The following PCDHGA1 variants were observed in gnomAD, a reference collection of about 807,000 sequenced individuals.
PCDHGA1 encodes protocadherin gamma-A1.
PCDHGA1 carries 32 observed loss-of-function variants against 58.0 expected under a neutral mutation model. The observed-to-expected ratio is 0.55, with a 90% CI of 0.42 to 0.74. The LOEUF is 0.74. Ranked by LOEUF, PCDHGA1 falls within the 30% of genes least tolerant of loss-of-function variation. PCDHGA1 has a pLI of 0.00. For missense variants in PCDHGA1, 1,205 were observed against 1,182.3 expected (o/e 1.02, Z -0.28); for synonymous variants, 498 against 501.1 (o/e 0.99, Z 0.08).
At position 141,485,614 on chromosome 5, in the gene PCDHGA1, T is replaced by G; in HGVS notation, c.2422-9193T>G. 1 of 1,612,236 alleles carries G rather than the reference T, an allele frequency of 6.2e-7. No individual in the cohort carries two copies. Among genetic ancestry groups the G allele is most frequent in the Non-Finnish European group, 8.5e-7 (1 of 1,178,686 alleles). On this transcript the variant is annotated intron_variant, in intron 1 of 3. Transcript: ENST00000517417. The surrounding 1 kb of genome is among the most constrained non-coding windows in gnomAD (Gnocchi z 5.7). ...ACTTGGAAATTGGGGAGGCAGCTCC[T>G]CCAGGACAGCGTTTCCCGTTGGAAA...
intron 1 of PCDHGA1, chr5:141,384,675 G>A: frequency 6.2e-7 from 1 of 1,614,216 alleles, no homozygotes; most frequent in Non-Finnish European, 8.5e-7. Flanking sequence ...CCAAGGTGGT[G>A]GCGGTGGACA....
At chr5:141,504,990 C>T (rs1056476591) in intron 2 of PCDHGA1, among the ~76,000 whole-genome samples, 3 of 151,976 alleles carry the variant, frequency 2.0e-5, no homozygotes, top group Non-Finnish European at 2.9e-5. Context: ...GGTGAAACCC[C>T]GTCTGTACTA....
chr5:141,352,439 C>T, intron 1 of PCDHGA1: 1 of 1,614,072 alleles, frequency 6.2e-7, no homozygotes, highest in Non-Finnish European at 8.5e-7. Context: ...TCAAACCGGT[C>T]TCTGCTCCAA....
intron 1 of PCDHGA1, chr5:141,398,152 G>T: frequency 5.3e-6 from 8 of 1,498,488 alleles, no homozygotes; most frequent in Non-Finnish European, 7.1e-6. Context: ...CGGGGAGCTG[G>T]GCCGGGCTGA....
In PCDHGA1 at chr5:141,345,638, C is replaced by T. The variant is rs370039699; in HGVS notation, c.2421+12533C>T. 178 of 1,614,198 alleles carry T rather than the reference C, an allele frequency of 1.1e-4. No individual in the cohort carries two copies. The African/African-American group carries it at 1.8e-3, about 16-fold the overall frequency. The stretch of plus-strand genomic sequence containing the variant: ...ACTTAAAGCTACTGGTGACAGCCAG[C>T]GACAGCGGGAACCCTCCACTCAGCA... On this transcript the variant is annotated intron_variant, in intron 1 of 3. Transcript: ENST00000517417.
chr5:141,375,241 C>G (rs774856817), intron 1 of PCDHGA1: 20 of 1,613,942 alleles, frequency 1.2e-5, no homozygotes, highest in Non-Finnish European at 1.7e-5. Context: ...CCTGTTCCAT[C>G]CCGAGAAGTC....
rs757876687 is a variant in PCDHGA1 at position 141,413,273 on chromosome 5, G to A, written c.2421+80168G>A. On this transcript the variant is annotated intron_variant, in intron 1 of 3. Coordinates refer to ENST00000517417, the MANE Select transcript of PCDHGA1 (RefSeq NM_018912.3). The stretch of plus-strand genomic sequence containing the variant: ...GGGATTCCATGGGAGGCTGGAGCCC[G>A]GCAGATCTCCTACTCAATTCCTGAG... 4.3e-6 allele frequency: 7 copies of A among 1,613,920 alleles called. No homozygotes were observed. The highest frequency in any genetic ancestry group is 5.9e-6 in the Non-Finnish European group (7 of 1,179,902).
intron 1 of PCDHGA1, among the ~76,000 whole-genome samples, chr5:141,373,763 G>A (rs951115131): frequency 6.6e-6 from 1 of 152,192 alleles, no homozygotes; most frequent in African/African-American, 2.4e-5. Context: ...AATATTATGA[G>A]TGTCATCTCT....
chr5:141,399,252 TG>T, intron 1 of PCDHGA1: 1 of 1,613,778 alleles, frequency 6.2e-7, no homozygotes, highest in Non-Finnish European at 8.5e-7. Context: ...CTGGGGAAAA[TG>T]GGGAGGTTAA....
chr5:141,449,943 C>G (rs1561937416), intron 1 of PCDHGA1, among the ~76,000 whole-genome samples: 1 of 151,186 alleles, frequency 6.6e-6, no homozygotes, highest in African/African-American at 2.4e-5. Flanking sequence ...GTATATTTTA[C>G]TATACCTCAT....
Position 141,409,092 on chromosome 5 carries a change from A to C in PCDHGA1, c.2421+75987A>C, listed in dbSNP as rs150634031. On this transcript the variant is annotated intron_variant, in intron 1 of 3. Coordinates refer to ENST00000517417, the MANE Select transcript of PCDHGA1 (RefSeq NM_018912.3). ...AAACATATGTTCTCATTGGATGAGA[A>C]AACAGGTATGATTAAGAATAACCAG... 12 of 1,614,050 alleles carry C rather than the reference A, an allele frequency of 7.4e-6. No homozygotes were observed. The East Asian group carries it at 2.7e-4, about 36-fold the overall frequency.
At position 141,499,673 on chromosome 5, in the gene PCDHGA1, C is replaced by A. The variant is rs1193484216; in HGVS notation, c.2480+4808C>A. Among the ~76,000 whole-genome samples the A allele has an allele frequency of 2.7e-5, 4 of 150,550 alleles. No individual in the cohort carries two copies. In the East Asian group the frequency reaches 7.8e-4, roughly 29 times the overall value. On this transcript the variant is annotated intron_variant, in intron 2 of 3. Transcript: ENST00000517417. ...CATATAATTTCATCTTGGTCTCCACCATCTTTAACAGATGACTTTTTTTTT... is the reference window on the plus strand; with the variant it reads ...CATATAATTTCATCTTGGTCTCCACAATCTTTAACAGATGACTTTTTTTTT...
chr5:141,400,068 G>A (rs2093954953), intron 1 of PCDHGA1: 1 of 1,613,706 alleles, frequency 6.2e-7, no homozygotes, highest in African/African-American at 1.3e-5. Flanking sequence ...ATGGTGGACA[G>A]CCGCCACTCT....
Position 141,351,103 on chromosome 5 carries a change from C to G in PCDHGA1, c.2421+17998C>G, listed in dbSNP as rs547716264. The stretch of plus-strand genomic sequence containing the variant: ...AGATCACCTATGCCTTCCTCAATTC[C>G]CCAATAAGTACCAGCCTCTTCAATC... On this transcript the variant is annotated intron_variant, in intron 1 of 3. Coordinates refer to ENST00000517417, the MANE Select transcript of PCDHGA1 (RefSeq NM_018912.3). The G allele has an allele frequency of 1.2e-5, 19 of 1,614,056 alleles. No homozygotes were observed. In the South Asian group the frequency reaches 2.0e-4, roughly 17 times the overall value.
At chr5:141,335,442 G>A (rs539461513) in intron 1 of PCDHGA1, among the ~76,000 whole-genome samples, 6 of 152,228 alleles carry the variant, frequency 3.9e-5, no homozygotes, top group Admixed American at 3.9e-4. Context: ...AAAATGAACT[G>A]ATTATAGTTG....
At position 141,356,066 on chromosome 5, in the gene PCDHGA1, CA is replaced by C. The variant is rs754314348; in HGVS notation, c.2421+22962del. ...TTCCGGAAAGTAAGAGACAAAATAT[CA>C]CAGCTATTTCAGTTGAATTCTCTGA... On this transcript the variant is annotated intron_variant, in intron 1 of 3. Coordinates refer to ENST00000517417, the MANE Select transcript of PCDHGA1 (RefSeq NM_018912.3). The C allele has an allele frequency of 6.8e-6, 11 of 1,613,876 alleles. No homozygotes were observed. The South Asian group carries it at 1.2e-4, about 18-fold the overall frequency.
At chr5:141,365,118 T>C (rs754097120) in intron 1 of PCDHGA1, 1 of 1,613,888 alleles carries the variant, frequency 6.2e-7, no homozygotes, top group Non-Finnish European at 8.5e-7. Context: ...CGGCTGCTCA[T>C]GCTAACCGCC....
chr5:141,330,987 G>C lies in PCDHGA1; in HGVS notation c.303G>C (p.Pro101=). ...AGGAGCTCTGCGCTCAGAGCATGCC[G>C]TGTCTCGTGAGTTTTAATATCCTTG... ...DREELCAQSM[P]CLVSFNILVE... Residue 101 remains proline, a synonymous_variant, in exon 1 of 4, where the codon CCG becomes CCC. Coordinates refer to ENST00000517417, the MANE Select transcript of PCDHGA1 (RefSeq NM_018912.3). 1.9e-6 allele frequency: 3 copies of C among 1,614,210 alleles called. No individual in the cohort carries two copies. The highest frequency in any genetic ancestry group is 2.5e-6 in the Non-Finnish European group (3 of 1,180,044).
chr5:141,400,462 G>T lies in PCDHGA1; in HGVS notation c.2421+67357G>T, dbSNP rs141917215. 2.3e-4 allele frequency: 379 copies of T among 1,614,062 alleles called. 2 individuals carry two copies. The African/African-American group carries it at 4.7e-3, about 20-fold the overall frequency. The stretch of plus-strand genomic sequence containing the variant: ...TTCAGGACAAGACATACTTTGTGGT[G>T]ATTCATCTGGGGCCTTATTTCCACT... On this transcript the variant is annotated intron_variant, in intron 1 of 3. Transcript: ENST00000517417.
Sources: allele counts gnomAD v4.1 joint callset (sites outside exome capture counted in the v4.1 genomes callset), GRCh38; gene constraint gnomAD v4.1.1; non-coding constraint Gnocchi (gnomAD v3.1); transcripts MANE v1.5; gene names NCBI Gene and HGNC (gene_info 2026-07-23, HGNC 2026-07-21).